RLF: variants seen among roughly 807,000 people sequenced by gnomAD.
RLF encodes the protein zinc finger protein Rlf.
In RLF, 7 loss-of-function variants were observed where a neutral mutation model predicts 162.9. That is an observed-to-expected ratio of 0.04 (90% confidence interval 0.02 to 0.08). The LOEUF is 0.08. Among genes scored for constraint, RLF ranks in the 10% least tolerant of loss-of-function variants. The probability of loss-of-function intolerance (pLI) is 1.00; values close to 1 mark genes in which losing one functional copy is unlikely to be tolerated. For synonymous variants in RLF, 782 were observed against 791.5 expected, an observed-to-expected ratio of 0.99 and a Z score of 0.20; for missense variants, 1,664 against 2,244.7, an observed-to-expected ratio of 0.74 and a Z score of 5.23.
chr1:40,193,239 T>G (rs1231191739), intron 3 of RLF, among the ~76,000 whole-genome samples: 3 of 152,058 alleles, frequency 2.0e-5, no homozygotes, highest in African/African-American at 7.2e-5. Context: ...AGTTTTAAAA[T>G]TATTCTTGAA....
At chr1:40,229,154 A>G (rs1292831138) in intron 6 of RLF, among the ~76,000 whole-genome samples, 1 of 152,204 alleles carries the variant, frequency 6.6e-6, no homozygotes, top group Admixed American at 6.5e-5. Context: ...ACTGGCTTTG[A>G]TAATTTTTGT....
rs34957684 is a variant in RLF at position 40,203,109 on chromosome 1, C to CTTTT, written c.810+515_810+518dup. 3.5e-3 allele frequency among the ~76,000 whole-genome samples: 344 copies of CTTTT among 99,662 alleles called. 12 individuals carry two copies. The highest frequency in any genetic ancestry group is 0.013 in the African/African-American group (325 of 25,238). 65.4% of individuals were successfully genotyped at this position (99,662 alleles called of 152,430 possible). ...ATATCATGGAAAATAAGGGTTGAGTCTTTTTTTTTTTTTTTTTTTTTTTGA... is the reference window on the plus strand; with the variant it reads ...ATATCATGGAAAATAAGGGTTGAGTCTTTTTTTTTTTTTTTTTTTTTTTTTTTGA... On this transcript the variant is annotated intron_variant, in intron 5 of 7. Coordinates refer to ENST00000372771, the MANE Select transcript of RLF (RefSeq NM_012421.4).
chr1:40,179,993 A>G (rs1642385113), intron 1 of RLF, among the ~76,000 whole-genome samples: 1 of 152,172 alleles, frequency 6.6e-6, no homozygotes, highest in African/African-American at 2.4e-5. Flanking sequence ...TCTGTTCATG[A>G]ACACTTGGAT....
Position 40,169,632 on chromosome 1 carries a change from A to T in RLF, c.237+7996A>T, listed in dbSNP as rs181036422. On this transcript the variant is annotated intron_variant, in intron 1 of 7. Transcript: ENST00000372771. ...AGCGAGACTCCGTCTCAAAAAAAAA[A>T]AAAAAAAAAAAAATAAGTGCTTCTT... is the stretch of plus-strand genomic sequence containing the variant. Among the ~76,000 whole-genome samples the T allele has an allele frequency of 1.0e-3, 152 of 151,384 alleles. 1 individual carries two copies. The highest frequency in any genetic ancestry group is 3.4e-3 in the African/African-American group (141 of 41,400).
In RLF at chr1:40,195,755, A is replaced by G; in HGVS notation, c.598A>G (p.Thr200Ala). The G allele has an allele frequency of 6.2e-7, 1 of 1,613,656 alleles. No individual in the cohort carries two copies. Among genetic ancestry groups the G allele is most frequent in the Non-Finnish European group, 8.5e-7 (1 of 1,179,812 alleles). ...AATTCTGTCTCAACAGCCAGTAGAA[A>G]CGGAGGAAGGTAAGTCTTAAGACTA... ...LKILSQQPVE[T>A]EEVNKLIAQE... Residue 200 changes from threonine to alanine, a missense_variant, in exon 4 of 8, where the codon ACG becomes GCG. This residue lies in a region of RLF where 287 missense variants were observed against 404.9 expected (regional missense o/e 0.71). Coordinates refer to ENST00000372771, the MANE Select transcript of RLF (RefSeq NM_012421.4).
At chr1:40,176,758 A>G (rs571897505) in intron 1 of RLF, among the ~76,000 whole-genome samples, 1 of 152,208 alleles carries the variant, frequency 6.6e-6, no homozygotes, top group East Asian at 1.9e-4. Flanking sequence ...GACTTATGTC[A>G]AGTGTCTTTT....
At chr1:40,206,949 C>T (rs1642803427) in intron 5 of RLF, among the ~76,000 whole-genome samples, 1 of 152,148 alleles carries the variant, frequency 6.6e-6, no homozygotes. Context: ...TACCCTAGCC[C>T]CCTACTCTGC....
chr1:40,208,547 G>T (rs1642825837), intron 5 of RLF, among the ~76,000 whole-genome samples: 1 of 152,172 alleles, frequency 6.6e-6, no homozygotes, highest in African/African-American at 2.4e-5. Context: ...AGGTGTGGTG[G>T]CTCATGACTG....
intron 1 of RLF, among the ~76,000 whole-genome samples, chr1:40,172,156 TTTTTTAAACTATAAAAGCACTTC>T (rs1357721381): frequency 2.9e-3 from 440 of 152,274 alleles, no homozygotes; most frequent in African/African-American, 0.01. Context: ...AAAAAAAATT[TTTTTTAAACTATAAAAGCACTTC>T]TTGTGGCAAA....
chr1:40,226,651 G>A (rs1290949946), intron 6 of RLF, among the ~76,000 whole-genome samples: 1 of 152,086 alleles, frequency 6.6e-6, no homozygotes, highest in Non-Finnish European at 1.5e-5. Context: ...AGAGGTCATG[G>A]GGGTCAATTA....
chr1:40,230,877 T>A (rs1284721071), intron 6 of RLF, among the ~76,000 whole-genome samples: 1 of 152,236 alleles, frequency 6.6e-6, no homozygotes, highest in African/African-American at 2.4e-5. Flanking sequence ...TGCGTGAGTG[T>A]TTTACCCATT....
chr1:40,210,615 T>G (rs1215957063), intron 5 of RLF, among the ~76,000 whole-genome samples: 1 of 152,196 alleles, frequency 6.6e-6, no homozygotes, highest in East Asian at 1.9e-4. Flanking sequence ...GTGACATGTC[T>G]GAAGTGGTGT....
At chr1:40,188,155 T>C (rs993564652) in intron 1 of RLF, among the ~76,000 whole-genome samples, 4 of 152,154 alleles carry the variant, frequency 2.6e-5, no homozygotes, top group African/African-American at 7.2e-5. Flanking sequence ...AAGGAAGATA[T>C]ATATGAACAA....
intron 5 of RLF, among the ~76,000 whole-genome samples, chr1:40,216,849 C>T (rs568449033): frequency 9.2e-5 from 14 of 152,082 alleles, no homozygotes; most frequent in African/African-American, 3.4e-4. Context: ...GTCAGGAGTT[C>T]GAGTCCAGCC....
At chr1:40,184,750 TTCAAGGG>T (rs888069690) in intron 1 of RLF, among the ~76,000 whole-genome samples, 7 of 152,134 alleles carry the variant, frequency 4.6e-5, no homozygotes, top group African/African-American at 1.7e-4. Context: ...ATCATAGCCT[TTCAAGGG>T]CAGGAATAGA....
intron 7 of RLF, 84 bp downstream of exon 7, chr1:40,231,742 A>G (rs1252415200): frequency 3.9e-6 from 5 of 1,269,662 alleles, no homozygotes; most frequent in Non-Finnish European, 5.5e-6. Context: ...ATTCCCTTTA[A>G]AGGAAGATAA....
At chr1:40,185,721 G>A (rs1260916910) in intron 1 of RLF, among the ~76,000 whole-genome samples, 3 of 145,434 alleles carry the variant, frequency 2.1e-5, no homozygotes, top group African/African-American at 5.1e-5. Flanking sequence ...CCAGCTACTT[G>A]GGAGGCTGAG....
chr1:40,187,099 T>C (rs1299215562), intron 1 of RLF, among the ~76,000 whole-genome samples: 1 of 152,036 alleles, frequency 6.6e-6, no homozygotes, highest in Non-Finnish European at 1.5e-5. Context: ...TGGCGCAATC[T>C]TGGCTCACTG....
chr1:40,208,614 A>C (rs1557751744), intron 5 of RLF, among the ~76,000 whole-genome samples: 1 of 152,144 alleles, frequency 6.6e-6, no homozygotes, highest in Non-Finnish European at 1.5e-5. Context: ...CAAGAGTTCA[A>C]GACCAGCCTG....
Sources: gnomAD v4.1 joint callset for allele counts (sites outside exome capture counted in the v4.1 genomes callset) on GRCh38, gnomAD v4.1.1 for gene constraint, gnomAD v4.1.1 regional missense constraint, MANE v1.5 for transcripts, NCBI Gene and HGNC (gene_info 2026-07-23, HGNC 2026-07-21) for gene names.